MAGI2: variants seen among roughly 807,000 people sequenced by gnomAD.
The protein encoded by MAGI2 is membrane associated guanylate kinase, WW and PDZ domain containing 2.
Under a neutral mutation model 133.3 loss-of-function variants are expected in MAGI2, and 35 were observed. That is an observed-to-expected ratio of 0.26 (90% CI 0.20 to 0.35). MAGI2 has a LOEUF of 0.35. MAGI2 is among the 10% of genes least tolerant of loss of function. The pLI, the probability that MAGI2 is intolerant of heterozygous loss-of-function variation, is 1.00. For synonymous variants in MAGI2, 729 were observed against 710.6 expected, an observed-to-expected ratio of 1.03 and a Z score of -0.41; for missense variants, 1,636 against 1,863.4, an observed-to-expected ratio of 0.88 and a Z score of 2.25.
intron 1 of MAGI2, among the ~76,000 whole-genome samples, chr7:79,243,007 G>A (rs1832540061): frequency 6.6e-6 from 1 of 152,054 alleles, no homozygotes; most frequent in Non-Finnish European, 1.5e-5. Flanking sequence ...CTTGAGGTGA[G>A]GAGTTCAAGA....
intron 13 of MAGI2, among the ~76,000 whole-genome samples, chr7:78,178,724 AC>A (rs985815647): frequency 2.6e-5 from 4 of 151,974 alleles, no homozygotes; most frequent in African/African-American, 9.7e-5. Context: ...TTTCTGACAA[AC>A]TCCTTTAGGG....
intron 2 of MAGI2, among the ~76,000 whole-genome samples, chr7:78,806,065 A>G (rs1788552774): frequency 6.6e-6 from 1 of 152,212 alleles, no homozygotes; most frequent in Non-Finnish European, 1.5e-5. Context: ...ATTCTTAAAT[A>G]GGAACACACA....
At chr7:78,065,473 G>C in intron 21 of MAGI2, 1 of 573,296 alleles carries the variant, frequency 1.7e-6, no homozygotes, top group Admixed American at 3.2e-5. Flanking sequence ...GAAATAATTA[G>C]ACAAGCTACT....
At chr7:78,560,927 A>G (rs535966573) in intron 3 of MAGI2, among the ~76,000 whole-genome samples, 90 of 152,336 alleles carry the variant, frequency 5.9e-4, no homozygotes, top group African/African-American at 2.1e-3. Flanking sequence ...GGTTGCATCA[A>G]CCTGGAACTT....
intron 1 of MAGI2, among the ~76,000 whole-genome samples, chr7:79,153,300 G>T (rs1562945053): frequency 6.6e-6 from 1 of 152,128 alleles, no homozygotes; most frequent in Admixed American, 6.5e-5. Flanking sequence ...TTCATTGAAT[G>T]CCCACCAGGC....
chr7:78,669,758 C>A (rs546687183), intron 2 of MAGI2, among the ~76,000 whole-genome samples: 9 of 152,290 alleles, frequency 5.9e-5, no homozygotes, highest in African/African-American at 2.2e-4. Context: ...GGATGCAAGG[C>A]TGGTTCAATA....
intron 11 of MAGI2, among the ~76,000 whole-genome samples, chr7:78,196,809 A>G (rs983557199): frequency 5.3e-5 from 8 of 152,350 alleles, no homozygotes; most frequent in Middle Eastern, 3.4e-3. Context: ...GCTATTGCCC[A>G]AGATCTCATT....
intron 1 of MAGI2, among the ~76,000 whole-genome samples, chr7:79,019,554 T>C (rs1809076331): frequency 6.6e-6 from 1 of 151,982 alleles, no homozygotes. Flanking sequence ...TTTTTTTCTT[T>C]CTTTTTTTTT....
chr7:78,288,325 T>TATTTGTATTTTCCCATTAAAACTCA (rs1796359560), intron 9 of MAGI2, among the ~76,000 whole-genome samples: 3 of 152,196 alleles, frequency 2.0e-5, no homozygotes, highest in Admixed American at 1.3e-4. Flanking sequence ...TTTAATCGCT[T>TATTTGTATTTTCCCATTAAAACTCA]ATTTGTATTT....
chr7:78,643,875 C>A (rs142780638), intron 2 of MAGI2, among the ~76,000 whole-genome samples: 2 of 151,970 alleles, frequency 1.3e-5, no homozygotes, highest in African/African-American at 2.4e-5. Context: ...CACACACCCC[C>A]ACACACACTA....
intron 1 of MAGI2, among the ~76,000 whole-genome samples, chr7:79,077,499 T>G (rs1357801772): frequency 6.9e-6 from 1 of 143,932 alleles, no homozygotes; most frequent in African/African-American, 2.6e-5. Flanking sequence ...GGTGTGAACC[T>G]GGCCGGTGGA....
rs150724636 is a variant in MAGI2 at position 78,967,897 on chromosome 7, C to G, written c.418+39193G>C. Among the ~76,000 whole-genome samples the G allele has an allele frequency of 6.1e-3, 922 of 152,246 alleles. 4 individuals are homozygous for G. Among genetic ancestry groups the G allele is most frequent in the Non-Finnish European group, 9.8e-3 (668 of 68,014 alleles). On this transcript the variant is annotated intron_variant, in intron 2 of 21. Transcript: ENST00000354212. ...CCAGGCTGGAATGCAGTGGTGCAAT[C>G]TTGGCTCACTGTAACTTCTGCCTCC... is the stretch of plus-strand genomic sequence containing the variant.
intron 1 of MAGI2, among the ~76,000 whole-genome samples, chr7:79,071,030 G>C (rs1026360706): frequency 6.6e-6 from 1 of 152,114 alleles, no homozygotes; most frequent in African/African-American, 2.4e-5. Context: ...AGGCGTTCTG[G>C]TTTTTGGAGT....
intron 2 of MAGI2, among the ~76,000 whole-genome samples, chr7:78,716,387 G>A (rs977829037): frequency 3.9e-5 from 6 of 152,122 alleles, no homozygotes. Context: ...GGCACTTATG[G>A]TAGAAAGCAG....
At chr7:78,125,159 C>G (rs113433589) in intron 20 of MAGI2, among the ~76,000 whole-genome samples, 1 of 152,058 alleles carries the variant, frequency 6.6e-6, no homozygotes, top group South Asian at 2.1e-4. Flanking sequence ...CCACCACGCC[C>G]GGCCCCTGCT....
chr7:78,443,433 A>C (rs538775224), intron 6 of MAGI2, among the ~76,000 whole-genome samples: 1 of 152,256 alleles, frequency 6.6e-6, no homozygotes, highest in Non-Finnish European at 1.5e-5. Flanking sequence ...AAGTAGCACA[A>C]GCACAGAGCC....
chr7:79,287,234 C>G (rs1403396288), intron 1 of MAGI2, among the ~76,000 whole-genome samples: 1 of 152,050 alleles, frequency 6.6e-6, no homozygotes, highest in African/African-American at 2.4e-5. Context: ...AATTTGTAAG[C>G]ACTCTCAAGT....
At chr7:78,504,391 G>A (rs1269430438) in intron 4 of MAGI2, among the ~76,000 whole-genome samples, 1 of 152,114 alleles carries the variant, frequency 6.6e-6, no homozygotes, top group Non-Finnish European at 1.5e-5. Context: ...TAGTTTTTCT[G>A]CTGTCAAGGA....
At chr7:78,307,276 T>C (rs1487363850) in intron 9 of MAGI2, among the ~76,000 whole-genome samples, 1 of 152,206 alleles carries the variant, frequency 6.6e-6, no homozygotes, top group Non-Finnish European at 1.5e-5. Context: ...TTGTTAATTA[T>C]GCAGTTAATT....
Sources: gnomAD v4.1 joint callset for allele counts (sites outside exome capture counted in the v4.1 genomes callset) on GRCh38, gnomAD v4.1.1 for gene constraint, MANE v1.5 for transcripts, NCBI Gene and HGNC (gene_info 2026-07-23, HGNC 2026-07-21) for gene names.